ACTN1: variants seen among roughly 807,000 people sequenced by gnomAD.
The protein encoded by ACTN1 is actinin alpha 1, also known as alpha-actinin-1.
A neutral mutation model predicts 119.6 loss-of-function variants in ACTN1; 30 were observed. That is an observed-to-expected ratio of 0.25 (90% CI 0.19 to 0.34). The LOEUF (loss-of-function observed/expected upper bound fraction) is 0.34. Ranked by LOEUF, ACTN1 falls within the 10% of genes least tolerant of loss-of-function variation. The pLI is 1.00. For missense variants in ACTN1, 764 were observed against 1,223.4 expected (o/e 0.62, Z 5.60); for synonymous variants, 429 against 472.6 (o/e 0.91, Z 1.20).
intron 1 of ACTN1, among the ~76,000 whole-genome samples, chr14:68,971,061 C>T (rs1352978989): frequency 1.3e-5 from 2 of 152,202 alleles, no homozygotes; most frequent in Non-Finnish European, 2.9e-5. Context: ...CCATATAAGC[C>T]TTGCCTCCCA....
chr14:68,936,148 C>A (rs1307356118), intron 1 of ACTN1, among the ~76,000 whole-genome samples: 1 of 152,184 alleles, frequency 6.6e-6, no homozygotes, highest in Non-Finnish European at 1.5e-5. Flanking sequence ...AACCAAACAG[C>A]ACCCGGCAAC....
intron 3 of ACTN1, among the ~76,000 whole-genome samples, chr14:68,915,222 G>T (rs575090839): frequency 2.0e-5 from 3 of 151,918 alleles, no homozygotes; most frequent in Admixed American, 1.3e-4. Flanking sequence ...TGGTCTGGCC[G>T]CCTGGGCCTC....
intron 3 of ACTN1, among the ~76,000 whole-genome samples, chr14:68,917,333 G>T (rs919214561): frequency 1.3e-5 from 2 of 152,146 alleles, no homozygotes; most frequent in African/African-American, 4.8e-5. Context: ...CCTACCTACA[G>T]GGTACCTATT....
intron 1 of ACTN1, among the ~76,000 whole-genome samples, chr14:68,976,521 A>T (rs1368538799): frequency 6.6e-6 from 1 of 152,192 alleles, no homozygotes. Context: ...AAACAAACAA[A>T]CAAAAAATGT....
intron 8 of ACTN1, among the ~76,000 whole-genome samples, chr14:68,897,751 A>G (rs11158774): frequency 0.14 from 21,955 of 152,140 alleles, 1,800 homozygotes; most frequent in African/African-American, 0.21. Flanking sequence ...CAGGGTTCCT[A>G]CTAAGAGAGC....
chr14:68,905,338 C>T (rs1039019170), intron 6 of ACTN1, among the ~76,000 whole-genome samples: 6 of 152,240 alleles, frequency 3.9e-5, no homozygotes, highest in South Asian at 2.1e-4. Flanking sequence ...AATCCTTGTG[C>T]GATGAATGCA....
chr14:68,927,180 A>G (rs2034968351), intron 1 of ACTN1, among the ~76,000 whole-genome samples: 1 of 152,094 alleles, frequency 6.6e-6, no homozygotes, highest in African/African-American at 2.4e-5. Context: ...CTGATTTCCA[A>G]TGTCCTCTCT....
intron 16 of ACTN1, among the ~76,000 whole-genome samples, chr14:68,881,936 C>T (rs866564030): frequency 2.5e-3 from 147 of 58,318 alleles, no homozygotes; most frequent in African/African-American, 0.013. Flanking sequence ...TAGGCAGCTT[C>T]TTTTTTTTTT....
Position 68,901,110 on chromosome 14 carries a change from G to T in ACTN1, c.762+1367C>A, listed in dbSNP as rs78536134. On this transcript the variant is annotated intron_variant, in intron 8 of 21. Coordinates refer to ENST00000394419, the MANE Select transcript of ACTN1 (RefSeq NM_001130004.2). Reference sequence around the variant, plus strand: ...AGAAAAAATGAAACAGCAGGGGAGGGAGTGGGTGGGAGGTGAGCAGAGTCT... The same window carrying T: ...AGAAAAAATGAAACAGCAGGGGAGGTAGTGGGTGGGAGGTGAGCAGAGTCT... 9.0e-3 allele frequency among the ~76,000 whole-genome samples: 1,363 copies of T among 151,776 alleles called. 23 individuals are homozygous for T. The highest frequency in any genetic ancestry group is 0.031 in the African/African-American group (1,298 of 41,440).
rs528475915 is a variant in ACTN1 at position 68,899,322 on chromosome 14, C to T, written c.762+3155G>A. Among the ~76,000 whole-genome samples the T allele has an allele frequency of 2.7e-5, 4 of 149,550 alleles. No individual in the cohort carries two copies. In the East Asian group the frequency reaches 7.9e-4, roughly 30 times the overall value. ...CACCCACAGCACACCACACCCACAG[C>T]GCACCTCACCCCTCACACCTCCTAC... On this transcript the variant is annotated intron_variant, in intron 8 of 21. Coordinates refer to ENST00000394419, the MANE Select transcript of ACTN1 (RefSeq NM_001130004.2).
chr14:68,959,250 C>T (rs761495831), intron 1 of ACTN1, among the ~76,000 whole-genome samples: 1 of 152,194 alleles, frequency 6.6e-6, no homozygotes, highest in Non-Finnish European at 1.5e-5. Flanking sequence ...CAGTGGAGCT[C>T]GAGTTCATTG....
At chr14:68,894,344 G>A (rs1244402810) in intron 8 of ACTN1, among the ~76,000 whole-genome samples, 1 of 152,212 alleles carries the variant, frequency 6.6e-6, no homozygotes, top group Non-Finnish European at 1.5e-5. Context: ...GATCAACCAA[G>A]TATGGGCTCA....
chr14:68,947,363 C>T (rs1188239693), intron 1 of ACTN1: 15 of 152,216 alleles, frequency 9.9e-5, no homozygotes, highest in African/African-American at 3.6e-4. Context: ...AGGGAGCCTA[C>T]CAGGTATGGG....
At position 68,883,048 on chromosome 14, in the gene ACTN1, G is replaced by C. The variant is rs1383918652; in HGVS notation, c.1643C>G (p.Thr548Ser). 1 of 1,614,090 alleles carries C rather than the reference G, an allele frequency of 6.2e-7. No homozygotes were observed. The highest frequency in any genetic ancestry group is 1.1e-5 in the South Asian group (1 of 91,076). The part of the protein sequence containing the change: ...VHTIEEIQGL[T>S]TAHEQFKATL... ...GGCCTTGAACTGCTCATGGGCTGTG[G>C]TCAGTCCCTGGACAGAGATGGGAAT... The change falls in exon 15 of 22, where the codon ACC becomes AGC. Residue 548 changes from threonine to serine, a missense_variant. Thr to Ser is a moderately conservative substitution (Grantham distance 58). Coordinates refer to ENST00000394419, the MANE Select transcript of ACTN1 (RefSeq NM_001130004.2).
chr14:68,943,601 C>T (rs1309966565), intron 1 of ACTN1, among the ~76,000 whole-genome samples: 7 of 152,098 alleles, frequency 4.6e-5, no homozygotes, highest in Admixed American at 6.5e-5. Context: ...CTGATGGCAA[C>T]GTGGACTTCA....
At chr14:68,933,203 G>A (rs530189635) in intron 1 of ACTN1, among the ~76,000 whole-genome samples, 73 of 152,006 alleles carry the variant, frequency 4.8e-4, no homozygotes, top group African/African-American at 1.7e-3. Flanking sequence ...GTGCGATCTC[G>A]GCTCACTGCA....
intron 1 of ACTN1, among the ~76,000 whole-genome samples, chr14:68,966,558 T>C (rs143390980): frequency 2.6e-5 from 4 of 152,278 alleles, no homozygotes; most frequent in African/African-American, 9.6e-5. Context: ...AACAACTCTC[T>C]GGCCTAATAA....
chr14:68,876,968 G>C (rs564964904), intron 21 of ACTN1, 114 bp downstream of exon 21: 26 of 1,317,310 alleles, frequency 2.0e-5, no homozygotes, highest in Admixed American at 1.2e-4. Flanking sequence ...AGAGGCCAAA[G>C]GACCCTGGAA....
intron 1 of ACTN1, among the ~76,000 whole-genome samples, chr14:68,932,241 C>T (rs781459636): frequency 2.0e-5 from 3 of 151,508 alleles, no homozygotes; most frequent in Non-Finnish European, 2.9e-5. Flanking sequence ...AGAATAAAAG[C>T]AAGCAGAAGA....
Sources: allele counts gnomAD v4.1 joint callset (sites outside exome capture counted in the v4.1 genomes callset), GRCh38; gene constraint gnomAD v4.1.1; transcripts MANE v1.5; gene names NCBI Gene and HGNC (gene_info 2026-07-23, HGNC 2026-07-21).